Variants in KLHL32 observed in about 807,000 individuals in gnomAD.
KLHL32 encodes the protein kelch like family member 32, also known as kelch-like protein 32.
Under a neutral mutation model 64.8 loss-of-function variants are expected in KLHL32, and 35 were observed. That is an observed-to-expected ratio of 0.54 (90% CI 0.41 to 0.72). KLHL32 has a LOEUF of 0.72. Among genes scored for constraint, KLHL32 ranks in the 30% least tolerant of loss-of-function variants. The probability of loss-of-function intolerance (pLI) is 0.00; values close to 1 mark genes in which losing one functional copy is unlikely to be tolerated. For synonymous variants in KLHL32, 259 were observed against 281.0 expected, an observed-to-expected ratio of 0.92 and a Z score of 0.78; for missense variants, 589 against 768.5, an observed-to-expected ratio of 0.77 and a Z score of 2.76.
At chr6:97,026,066 A>G (rs1250911670) in intron 3 of KLHL32, among the ~76,000 whole-genome samples, 3 of 152,014 alleles carry the variant, frequency 2.0e-5, no homozygotes, top group Non-Finnish European at 4.4e-5. Flanking sequence ...GTAAAATATA[A>G]TTATATAAAT....
chr6:97,063,655 A>C (rs1459276989), intron 4 of KLHL32, among the ~76,000 whole-genome samples: 2 of 152,344 alleles, frequency 1.3e-5, no homozygotes, highest in South Asian at 4.1e-4. Context: ...AGAGCCACTC[A>C]GGACACTTGT....
the KLHL32 span, among the ~76,000 whole-genome samples, chr6:96,901,636 A>G: frequency 6.6e-6 from 1 of 152,208 alleles, no homozygotes; most frequent in Non-Finnish European, 1.5e-5. Flanking sequence ...CACTACAGTC[A>G]TCAACTTTAG....
At chr6:96,942,654 G>GGTGTGTGT (rs373680196) in intron 1 of KLHL32, among the ~76,000 whole-genome samples, 5,247 of 144,242 alleles carry the variant, frequency 0.036, 130 homozygotes, top group African/African-American at 0.059. Flanking sequence ...ACAGCTGTGG[G>GGTGTGTGT]GTGTGTGTGT....
At chr6:97,038,277 C>A (rs1189746293) in intron 3 of KLHL32, among the ~76,000 whole-genome samples, 1 of 150,452 alleles carries the variant, frequency 6.6e-6, no homozygotes, top group Non-Finnish European at 1.5e-5. Context: ...TACCATCTGA[C>A]AAGGGATTGA....
intron 6 of KLHL32, among the ~76,000 whole-genome samples, chr6:97,090,467 G>A (rs1284445935): frequency 1.3e-5 from 2 of 152,084 alleles, no homozygotes; most frequent in Admixed American, 6.6e-5. Flanking sequence ...AATCAGCCAC[G>A]TTACAGTTTG....
At chr6:97,094,834 G>A (rs1794750469) in intron 6 of KLHL32, among the ~76,000 whole-genome samples, 1 of 152,172 alleles carries the variant, frequency 6.6e-6, no homozygotes, top group Admixed American at 6.5e-5. Flanking sequence ...ACCAGAGGCT[G>A]AGGACACATA....
At chr6:97,138,703 G>A (rs569559601) in intron 10 of KLHL32, among the ~76,000 whole-genome samples, 1 of 152,274 alleles carries the variant, frequency 6.6e-6, no homozygotes, top group Admixed American at 6.5e-5. Context: ...TGAGCTAGAT[G>A]TCATCAATTT....
At chr6:97,027,977 G>A (rs1782981058) in intron 3 of KLHL32, among the ~76,000 whole-genome samples, 1 of 152,238 alleles carries the variant, frequency 6.6e-6, no homozygotes, top group African/African-American at 2.4e-5. Context: ...TATCAAGAGG[G>A]TGATTGGAAG....
At chr6:96,986,216 GGATC>G (rs1336832646) in intron 3 of KLHL32, among the ~76,000 whole-genome samples, 4 of 152,114 alleles carry the variant, frequency 2.6e-5, no homozygotes, top group Admixed American at 2.6e-4. Flanking sequence ...TGTTGCTGCC[GGATC>G]GTTCCTCTGG....
At chr6:97,072,577 G>C (rs376057056) in intron 5 of KLHL32, among the ~76,000 whole-genome samples, 3 of 73,862 alleles carry the variant, frequency 4.1e-5, no homozygotes, top group Non-Finnish European at 7.8e-5. Flanking sequence ...TTTTTTTTTT[G>C]ACAATTTACT....
intron 6 of KLHL32, among the ~76,000 whole-genome samples, chr6:97,112,975 C>T (rs1354122463): frequency 6.6e-6 from 1 of 151,692 alleles, no homozygotes; most frequent in Non-Finnish European, 1.5e-5. Flanking sequence ...AATGTTATAA[C>T]TCCTTTCCTT....
At chr6:96,921,050 T>C (rs947750320), upstream of KLHL32, among the ~76,000 whole-genome samples, 6 of 152,252 alleles carry the variant, frequency 3.9e-5, no homozygotes, top group Non-Finnish European at 7.3e-5. Context: ...GCACTAGGTA[T>C]TGTAATCTTT....
chr6:97,022,195 T>C (rs1330806693), intron 3 of KLHL32, among the ~76,000 whole-genome samples: 2 of 151,016 alleles, frequency 1.3e-5, no homozygotes, highest in Non-Finnish European at 2.9e-5. Context: ...TCTACTCTTA[T>C]GCAGAATAAC....
At chr6:97,053,885 A>C (rs1787361826) in intron 4 of KLHL32, among the ~76,000 whole-genome samples, 1 of 152,104 alleles carries the variant, frequency 6.6e-6, no homozygotes, top group Admixed American at 6.5e-5. Context: ...CTACACATAC[A>C]CTACAAAATA....
rs764764259 is a variant in KLHL32 at position 97,139,160 on chromosome 6, T to C, written c.1741T>C (p.Tyr581His). The C allele has an allele frequency of 1.9e-6, 3 of 1,614,098 alleles. No homozygotes were observed. In the South Asian group the frequency reaches 3.3e-5, roughly 18 times the overall value. Residue 581 changes from tyrosine to histidine, a missense_variant, in exon 11 of 11, where the codon TAT becomes CAT. Physicochemically the swap from Tyr to His is moderately conservative, Grantham distance 83. This residue lies in a region of KLHL32 where 172 missense variants were observed against 192.0 expected (regional missense o/e 0.90). Coordinates refer to ENST00000369261, the MANE Select transcript of KLHL32 (RefSeq NM_052904.4). Reference protein sequence around the residue: ...VSREGKEEVFYGPTLPFASNG... With the variant: ...VSREGKEEVFHGPTLPFASNG... ...CAGAGAAGGCAAAGAAGAAGTATTCTATGGGCCTACACTCCCTTTTGCTTC... is the reference window on the plus strand; with the variant it reads ...CAGAGAAGGCAAAGAAGAAGTATTCCATGGGCCTACACTCCCTTTTGCTTC...
At chr6:97,116,276 T>A (rs1797798075) in intron 7 of KLHL32, among the ~76,000 whole-genome samples, 1 of 152,330 alleles carries the variant, frequency 6.6e-6, no homozygotes, top group Non-Finnish European at 1.5e-5. Context: ...TTTATCTAAT[T>A]ACTGTTCCTT....
In KLHL32 at chr6:97,052,650, C is replaced by T. The variant is rs572104525; in HGVS notation, c.312+11051C>T. 2.6e-4 allele frequency among the ~76,000 whole-genome samples: 39 copies of T among 152,214 alleles called. No individual in the cohort carries two copies. In the South Asian group the frequency reaches 7.7e-3, roughly 30 times the overall value. On this transcript the variant is annotated intron_variant, in intron 4 of 10. Coordinates refer to ENST00000369261, the MANE Select transcript of KLHL32 (RefSeq NM_052904.4). Reference sequence around the variant, plus strand: ...CTCCCAGCCACTGCCCAATAAAGGCCAATATTGCCCACCCTCCTGGGAGGA... The same window carrying T: ...CTCCCAGCCACTGCCCAATAAAGGCTAATATTGCCCACCCTCCTGGGAGGA...
At chr6:97,125,400 C>T (rs1319200545) in intron 7 of KLHL32, among the ~76,000 whole-genome samples, 2 of 152,086 alleles carry the variant, frequency 1.3e-5, no homozygotes, top group African/African-American at 4.8e-5. Context: ...TTTGAACTGT[C>T]AAAGCAAAAA....
chr6:97,114,828 G>A (rs1797651178), intron 7 of KLHL32, among the ~76,000 whole-genome samples: 3 of 152,166 alleles, frequency 2.0e-5, no homozygotes, highest in Admixed American at 2.0e-4. Flanking sequence ...TGCACAGCTT[G>A]TGGTTTATCT....
Sources: allele counts gnomAD v4.1 joint callset (sites outside exome capture counted in the v4.1 genomes callset), GRCh38; gene constraint gnomAD v4.1.1; regional missense constraint gnomAD v4.1.1; transcripts MANE v1.5; gene names NCBI Gene and HGNC (gene_info 2026-07-23, HGNC 2026-07-21).